The following SLC6A6 variants were observed in gnomAD, a reference collection of about 807,000 sequenced individuals.
The protein encoded by SLC6A6 is solute carrier family 6 member 6.
In SLC6A6, 16 loss-of-function variants were observed where a neutral mutation model predicts 68.8. That is an observed-to-expected ratio of 0.23 (90% CI 0.16 to 0.35). The LOEUF (loss-of-function observed/expected upper bound fraction) is 0.35. SLC6A6 is among the 10% of genes least tolerant of loss of function. SLC6A6 has a pLI of 1.00. For synonymous variants in SLC6A6, 312 were observed against 315.4 expected (o/e 0.99, Z 0.12); for missense variants, 474 against 802.8 (o/e 0.59, Z 4.95).
rs560903083 is a variant in SLC6A6, at chr3:14,417,560, T to A, written c.-12+1107T>A. On this transcript the variant is annotated intron_variant, in intron 2 of 14. Coordinates refer to ENST00000622186, the MANE Select transcript of SLC6A6 (RefSeq NM_003043.6). ...TCCTGGCTAACACGGTGAAACCCTG[T>A]CTCTACTAAAAAACACAAAAAATTA... is the stretch of plus-strand genomic sequence containing the variant. 1.1e-4 allele frequency among the ~76,000 whole-genome samples: 16 copies of A among 151,514 alleles called. No individual in the cohort carries two copies. The South Asian group carries it at 3.3e-3, about 31-fold the overall frequency.
At chr3:14,424,748 T>G (rs1699553672) in intron 2 of SLC6A6, among the ~76,000 whole-genome samples, 1 of 152,222 alleles carries the variant, frequency 6.6e-6, no homozygotes, top group African/African-American at 2.4e-5. Context: ...CAAACACCGC[T>G]GCAGGAGAAT....
In SLC6A6 at chr3:14,489,205, T is replaced by C. The variant is rs1030164064; in HGVS notation, c.*4198T>C. The C allele has an allele frequency of 4.6e-5, 7 of 152,666 alleles. No individual in the cohort carries two copies. Among genetic ancestry groups the C allele is most frequent in the Admixed American group, 3.9e-4 (6 of 15,284 alleles). The allele number at this position is 152,666 out of a possible 1,614,324, so 9.5% of individuals were successfully genotyped here. ...TGTGTATAAATGTTTTATGATATGA[T>C]TCCCTGTATTTTGCAGGGGTTTTTT... On this transcript the variant is annotated 3_prime_UTR_variant, in exon 15 of 15. Coordinates refer to ENST00000622186, the MANE Select transcript of SLC6A6 (RefSeq NM_003043.6).
rs1344949251 is a variant in SLC6A6, at chr3:14,472,030, C to CA, written c.1097-174dup. On this transcript the variant is annotated intron_variant, in intron 9 of 14. Coordinates refer to ENST00000622186, the MANE Select transcript of SLC6A6 (RefSeq NM_003043.6). The surrounding 1 kb of genome is among the most constrained non-coding windows in gnomAD (Gnocchi z 4.5). ...CTAAAACCGGGCCCCTCCTGAGCCC[C>CA]AGCGTGTCCCACCCAAAGGCGAGAC... Among the ~76,000 whole-genome samples, 3 of 152,290 alleles carry CA rather than the reference C, an allele frequency of 2.0e-5. No homozygotes were observed. In the East Asian group the frequency reaches 5.8e-4, roughly 29 times the overall value.
chr3:14,421,782 C>CA (rs1699491278), intron 2 of SLC6A6, among the ~76,000 whole-genome samples: 1 of 152,134 alleles, frequency 6.6e-6, no homozygotes, highest in South Asian at 2.1e-4. Flanking sequence ...GGAAGTCAGC[C>CA]ACGTGTCAGG....
At chr3:14,414,999 A>T (rs1699332241) in intron 1 of SLC6A6, among the ~76,000 whole-genome samples, 1 of 152,198 alleles carries the variant, frequency 6.6e-6, no homozygotes, top group Non-Finnish European at 1.5e-5. Context: ...CTAGGATAGC[A>T]AGGTTTACGT....
rs766891465 is a variant in SLC6A6 at position 14,484,989 on chromosome 3, T to C, written c.1845T>C (p.Ile615=). The change falls in exon 15 of 15, where the codon ATT becomes ATC. Residue 615 remains isoleucine, a synonymous_variant. Transcript: ENST00000622186. ...CTCTCGTGAAACCGACCCACATCATTGTGGAGACCATGATGTGAGCTCTCT... is the reference window on the plus strand; with the variant it reads ...CTCTCGTGAAACCGACCCACATCATCGTGGAGACCATGATGTGAGCTCTCT... ...NGALVKPTHI[I]VETMM 7 of 1,612,472 alleles carry C rather than the reference T, an allele frequency of 4.3e-6. No homozygotes were observed. The East Asian group carries it at 1.1e-4, about 26-fold the overall frequency.
rs1699561363 is a variant in SLC6A6, at chr3:14,424,982, C to T, written c.-12+8529C>T. The stretch of plus-strand genomic sequence containing the variant: ...TTTCCCAGTGTGGCAGATCTGGAGC[C>T]CAGGGGTGTTTGTTTCTGCCTCTCT... On this transcript the variant is annotated intron_variant, in intron 2 of 14. Coordinates refer to ENST00000622186, the MANE Select transcript of SLC6A6 (RefSeq NM_003043.6). Among the ~76,000 whole-genome samples the T allele has an allele frequency of 2.0e-5, 3 of 152,248 alleles. No individual in the cohort carries two copies. In the South Asian group the frequency reaches 6.2e-4, roughly 32 times the overall value.
At chr3:14,410,463 G>T (rs926316248) in intron 1 of SLC6A6, among the ~76,000 whole-genome samples, 6 of 152,214 alleles carry the variant, frequency 3.9e-5, no homozygotes, top group African/African-American at 7.2e-5. Flanking sequence ...AGCCCAGGAT[G>T]GGGTTCCTGG....
chr3:14,426,115 A>C (rs1288145498), intron 2 of SLC6A6, among the ~76,000 whole-genome samples: 1 of 152,162 alleles, frequency 6.6e-6, no homozygotes, highest in Non-Finnish European at 1.5e-5. Context: ...TAATTTGAAA[A>C]ATAATTCCCC....
chr3:14,432,026 C>T (rs1318944198), intron 2 of SLC6A6, among the ~76,000 whole-genome samples: 1 of 152,140 alleles, frequency 6.6e-6, no homozygotes, highest in African/African-American at 2.4e-5. Flanking sequence ...GTTTCCATGG[C>T]ACTGTGGCAT....
chr3:14,482,282 A>G (rs1446548809), intron 14 of SLC6A6, among the ~76,000 whole-genome samples: 1 of 152,190 alleles, frequency 6.6e-6, no homozygotes, highest in Non-Finnish European at 1.5e-5. Flanking sequence ...CCCCACCCAG[A>G]TGCCTTCTTT....
intron 10 of SLC6A6, among the ~76,000 whole-genome samples, chr3:14,475,841 C>G (rs1048612919): frequency 1.3e-5 from 2 of 152,204 alleles, no homozygotes; most frequent in African/African-American, 4.8e-5. Flanking sequence ...GCAGCCTCTT[C>G]TCTTGGATCC....
intron 1 of SLC6A6, among the ~76,000 whole-genome samples, chr3:14,414,318 A>G (rs1699317107): frequency 1.3e-5 from 2 of 152,166 alleles, no homozygotes; most frequent in Admixed American, 1.3e-4. Context: ...TCAAGTGCCT[A>G]TCTTTGAGCC....
At chr3:14,403,080 GTGTGT>G in intron 1 of SLC6A6, among the ~76,000 whole-genome samples, 1 of 4,162 alleles carries the variant, frequency 2.4e-4, no homozygotes, top group Non-Finnish European at 4.7e-4. Context: ...GCAGGAGAGT[GTGTGT>G]GTGTGTGTGT....
At chr3:14,484,478 T>C (rs147565685) in intron 14 of SLC6A6, among the ~76,000 whole-genome samples, 273 of 152,222 alleles carry the variant, frequency 1.8e-3, no homozygotes, top group Admixed American at 4.6e-3. Flanking sequence ...ACTCAGGGCA[T>C]ACAAATGAGA....
At chr3:14,458,230 A>G (rs1018618024) in intron 6 of SLC6A6, 148 bp downstream of exon 6, 1 of 686,530 alleles carries the variant, frequency 1.5e-6, no homozygotes, top group Non-Finnish European at 2.5e-6. Context: ...GGAAAAAAGT[A>G]AAACTCAGGT....
chr3:14,453,372 G>A (rs1485205333), intron 5 of SLC6A6, among the ~76,000 whole-genome samples: 2 of 152,240 alleles, frequency 1.3e-5, no homozygotes, highest in South Asian at 4.1e-4. Flanking sequence ...GGAAGCTGGG[G>A]ATGATGGGGC....
At chr3:14,453,677 C>T (rs935712446) in intron 5 of SLC6A6, among the ~76,000 whole-genome samples, 3 of 152,206 alleles carry the variant, frequency 2.0e-5, no homozygotes, top group African/African-American at 7.2e-5. Flanking sequence ...ATAGATAGCA[C>T]ATGTACAATT....
intron 1 of SLC6A6, among the ~76,000 whole-genome samples, chr3:14,413,999 C>T (rs528482937): frequency 5.3e-5 from 8 of 152,136 alleles, no homozygotes; most frequent in East Asian, 3.9e-4. Context: ...TCACCACACC[C>T]GGCCTAAACT....
Sources: allele counts gnomAD v4.1 joint callset (sites outside exome capture counted in the v4.1 genomes callset), GRCh38; gene constraint gnomAD v4.1.1; non-coding constraint Gnocchi (gnomAD v3.1); transcripts MANE v1.5; gene names NCBI Gene and HGNC (gene_info 2026-07-23, HGNC 2026-07-21).